Variants in CPED1 observed in about 807,000 individuals in gnomAD.
CPED1 encodes the protein cadherin like and PC-esterase domain containing 1.
A neutral mutation model predicts 128.2 loss-of-function variants in CPED1; 114 were observed. That is an observed-to-expected ratio of 0.89 (90% CI 0.76 to 1.04). The LOEUF is 1.04. CPED1 is among the 50% of genes least tolerant of loss of function. The pLI is 0.00. For synonymous variants in CPED1, 462 were observed against 426.7 expected (o/e 1.08, Z -1.02); for missense variants, 1,211 against 1,207.1 (o/e 1.00, Z -0.05).
At chr7:121,149,393 A>G (rs1315048496) in intron 16 of CPED1, among the ~76,000 whole-genome samples, 1 of 152,218 alleles carries the variant, frequency 6.6e-6, no homozygotes, top group African/African-American at 2.4e-5. Flanking sequence ...TATATAAATT[A>G]TCTTTTGTGT....
rs1458571204 is a variant in CPED1 at position 121,244,222 on chromosome 7, C to T, written c.2194C>T (p.Leu732Phe). 5.6e-6 allele frequency: 9 copies of T among 1,614,042 alleles called. No homozygotes were observed. Among genetic ancestry groups the T allele is most frequent in the Non-Finnish European group, 7.6e-6 (9 of 1,180,014 alleles). The change falls in exon 18 of 23, where the codon CTT becomes TTT. Residue 732 changes from leucine (L) to phenylalanine (F), a missense_variant. Coordinates refer to ENST00000310396, the MANE Select transcript of CPED1 (RefSeq NM_024913.5). ...DMKGQWIVPC[L>F]SCSDNRTCDW... is the part of the protein sequence containing the mutation. ...TCCAGGCCAGTGGATTGTGCCTTGC[C>T]TTAGTTGTTCGGACAACAGGACGTG...
At chr7:121,221,395 G>A (rs1797873990) in intron 16 of CPED1, among the ~76,000 whole-genome samples, 1 of 152,226 alleles carries the variant, frequency 6.6e-6, no homozygotes, top group Admixed American at 6.5e-5. Flanking sequence ...CCAAGTCTTT[G>A]CTATTGTGAA....
intron 16 of CPED1, among the ~76,000 whole-genome samples, chr7:121,164,817 T>C (rs563403507): frequency 6.6e-6 from 1 of 152,354 alleles, no homozygotes; most frequent in African/African-American, 2.4e-5. Flanking sequence ...GTGAAAAGAC[T>C]AAATTTCAAG....
chr7:121,032,294 T>G (rs1038358653), intron 3 of CPED1, among the ~76,000 whole-genome samples: 2 of 152,014 alleles, frequency 1.3e-5, no homozygotes, highest in Non-Finnish European at 2.9e-5. Context: ...CAATTAGAGA[T>G]AAAAACAGTG....
intron 16 of CPED1, among the ~76,000 whole-genome samples, chr7:121,156,488 G>T (rs1464347688): frequency 6.6e-6 from 1 of 152,068 alleles, no homozygotes; most frequent in Non-Finnish European, 1.5e-5. Flanking sequence ...TATACACAAT[G>T]GAATATTATT....
At chr7:121,124,929 T>C (rs982694157) in intron 8 of CPED1, among the ~76,000 whole-genome samples, 1 of 152,170 alleles carries the variant, frequency 6.6e-6, no homozygotes, top group Non-Finnish European at 1.5e-5. Flanking sequence ...CTATAACTTA[T>C]TGCCTTTGTT....
intron 2 of CPED1, among the ~76,000 whole-genome samples, chr7:120,996,689 TG>T (rs1796411997): frequency 6.6e-6 from 1 of 152,190 alleles, no homozygotes; most frequent in African/African-American, 2.4e-5. Flanking sequence ...CTATGTAAAG[TG>T]GAATTTTCTC....
intron 22 of CPED1, among the ~76,000 whole-genome samples, chr7:121,283,266 A>G (rs1792497477): frequency 6.6e-6 from 1 of 152,204 alleles, no homozygotes; most frequent in Non-Finnish European, 1.5e-5. Flanking sequence ...AGGGAATAGT[A>G]GTTTAAACCT....
At chr7:121,208,113 AC>A (rs1467109178) in intron 16 of CPED1, among the ~76,000 whole-genome samples, 1 of 151,432 alleles carries the variant, frequency 6.6e-6, no homozygotes. Flanking sequence ...AGCCCACCCC[AC>A]CCCCATCATC....
intron 4 of CPED1, among the ~76,000 whole-genome samples, chr7:121,054,121 T>G (rs1431845176): frequency 6.6e-6 from 1 of 152,216 alleles, no homozygotes; most frequent in Non-Finnish European, 1.5e-5. Context: ...GTGTGCCCAT[T>G]GCTACTAGGG....
intron 16 of CPED1, among the ~76,000 whole-genome samples, chr7:121,186,529 A>G (rs2177580): frequency 6.6e-6 from 1 of 152,094 alleles, no homozygotes; most frequent in Non-Finnish European, 1.5e-5. Context: ...CATATTCCTT[A>G]CAAGATTTCC....
chr7:121,085,413 C>T (rs193029562), intron 5 of CPED1, among the ~76,000 whole-genome samples: 1 of 152,234 alleles, frequency 6.6e-6, no homozygotes, highest in Non-Finnish European at 1.5e-5. Context: ...AGGCAAAATC[C>T]TTCTTTATTA....
At chr7:121,091,663 A>G (rs1008517862) in intron 5 of CPED1, among the ~76,000 whole-genome samples, 3 of 152,210 alleles carry the variant, frequency 2.0e-5, no homozygotes, top group African/African-American at 4.8e-5. Flanking sequence ...AGGGAAATTC[A>G]TATTTAATTC....
In CPED1 at chr7:121,002,331, C is replaced by T. The variant is rs142591840; in HGVS notation, c.249+12461C>T. On this transcript the variant is annotated intron_variant, in intron 2 of 22. Transcript: ENST00000310396. Reference sequence around the variant, plus strand: ...TTTCTATAGTAGTGAAGGAACTACCCGACCTTAGCAAAGCATCAATCAGAA... The same window carrying T: ...TTTCTATAGTAGTGAAGGAACTACCTGACCTTAGCAAAGCATCAATCAGAA... Among the ~76,000 whole-genome samples the T allele has an allele frequency of 2.2e-3, 335 of 152,142 alleles. 3 individuals carry two copies. The highest frequency in any genetic ancestry group is 7.7e-3 in the African/African-American group (321 of 41,510).
Position 121,253,776 on chromosome 7 carries a change from A to G in CPED1, c.2310+9438A>G, listed in dbSNP as rs564821846. 2.0e-5 allele frequency among the ~76,000 whole-genome samples: 3 copies of G among 152,258 alleles called. No individual in the cohort carries two copies. In the South Asian group the frequency reaches 6.2e-4, roughly 32 times the overall value. On this transcript the variant is annotated intron_variant, in intron 18 of 22. Transcript: ENST00000310396. ...AAAAGAGCAGGAGTTGCTATTTTAT[A>G]TCAGATAAAATAGACTTTAAACCAA...
At chr7:121,036,665 T>C (rs1477418762) in intron 3 of CPED1, among the ~76,000 whole-genome samples, 1 of 152,100 alleles carries the variant, frequency 6.6e-6, no homozygotes, top group Non-Finnish European at 1.5e-5. Flanking sequence ...AGTAGTGGGA[T>C]GGCTGAATCA....
chr7:121,237,174 A>C (rs906473516), intron 17 of CPED1, among the ~76,000 whole-genome samples: 1 of 152,134 alleles, frequency 6.6e-6, no homozygotes, highest in Non-Finnish European at 1.5e-5. Context: ...AGTTACCACA[A>C]TTATTTAAAT....
At chr7:121,082,025 A>C (rs963779275) in intron 5 of CPED1, among the ~76,000 whole-genome samples, 2 of 152,144 alleles carry the variant, frequency 1.3e-5, no homozygotes, top group African/African-American at 2.4e-5. Context: ...TATGAATTTT[A>C]ACCCTAAAGG....
chr7:121,194,850 C>A (rs534292323), intron 16 of CPED1: 4 of 152,174 alleles, frequency 2.6e-5, no homozygotes, highest in South Asian at 2.1e-4. Flanking sequence ...TTCACTGCAG[C>A]CTCGGCCTTC....
Sources: allele counts gnomAD v4.1 joint callset (sites outside exome capture counted in the v4.1 genomes callset), GRCh38; gene constraint gnomAD v4.1.1; transcripts MANE v1.5; gene names NCBI Gene and HGNC (gene_info 2026-07-23, HGNC 2026-07-21).